Variants in PLEC observed in about 807,000 individuals in gnomAD.
PLEC encodes plectin, also known as hemidesmosomal protein 1.
PLEC carries 216 observed loss-of-function variants against 392.8 expected under a neutral mutation model. The ratio of observed to expected loss-of-function variants is 0.55; its 90% CI spans 0.49 to 0.62. The LOEUF (loss-of-function observed/expected upper bound fraction) is 0.62. Ranked by LOEUF, PLEC falls within the 20% of genes least tolerant of loss-of-function variation. PLEC has a pLI of 0.00. For missense variants in PLEC, 6,863 were observed against 6,563.4 expected (o/e 1.05, Z -1.58); for synonymous variants, 3,621 against 2,980.6 (o/e 1.21, Z -7.00).
Position 143,922,468 on chromosome 8 carries a change from G to C in PLEC, c.7425+36C>G, listed in dbSNP as rs782627378. 14 of 1,602,288 alleles carry C rather than the reference G, an allele frequency of 8.7e-6. No individual in the cohort carries two copies. The South Asian group carries it at 8.8e-5, about 10-fold the overall frequency. Reference sequence around the variant, plus strand: ...CATCACCCACCAAAGCAGATCCCCGGGCCCACCCGCCCGTCGCACGTAGAG... The same window carrying C: ...CATCACCCACCAAAGCAGATCCCCGCGCCCACCCGCCCGTCGCACGTAGAG... On this transcript the variant is annotated intron_variant, in intron 31 of 31. Transcript: ENST00000345136.
rs1554687064 is a variant in PLEC at position 143,921,773 on chromosome 8, G to A, written c.8048C>T (p.Ala2683Val). The change falls in exon 32 of 32, where the codon GCA becomes GTA. Residue 2683 changes from alanine to valine, a missense_variant. Physicochemically the swap from Ala to Val is moderately conservative, Grantham distance 64. Transcript: ENST00000345136. ...GTAGTGGCGCACGTCTTCCCGCCGT[G>A]CGAGCTCGTCCACCGTGGTGTGGCC... ...AQGHTTVDELARREDVRHYLQ... is the reference protein window; with the variant it reads ...AQGHTTVDELVRREDVRHYLQ... The A allele has an allele frequency of 1.2e-6, 2 of 1,611,768 alleles. No individual in the cohort carries two copies. The highest frequency in any genetic ancestry group is 1.1e-5 in the South Asian group (1 of 91,074).
intron 1 of PLEC, among the ~76,000 whole-genome samples, chr8:143,939,083 C>T (rs1185747025): frequency 3.3e-5 from 5 of 152,178 alleles, no homozygotes; most frequent in African/African-American, 9.7e-5. Context: ...AGGGAAGCCG[C>T]GTGTGCTGCT....
upstream of PLEC, among the ~76,000 whole-genome samples, chr8:143,957,973 C>T (rs1832684357): frequency 6.6e-6 from 1 of 152,198 alleles, no homozygotes; most frequent in South Asian, 2.1e-4. Flanking sequence ...GACAATAGCC[C>T]CAGGGAGACC....
At chr8:143,941,758 C>A (rs1184930504), upstream of PLEC, among the ~76,000 whole-genome samples, 1 of 151,494 alleles carries the variant, frequency 6.6e-6, no homozygotes, top group Admixed American at 6.6e-5. Context: ...TACACCCACC[C>A]TCTACAGCTG....
At position 143,918,704 on chromosome 8, in the gene PLEC, A is replaced by G; in HGVS notation, c.11117T>C (p.Ile3706Thr). 1.2e-6 allele frequency: 2 copies of G among 1,612,908 alleles called. No individual in the cohort carries two copies. Among genetic ancestry groups the G allele is most frequent in the Non-Finnish European group, 1.7e-6 (2 of 1,179,962 alleles). ...CAGCCCTTTCTTGAGAGCCTGGTAG[A>G]TGCTCAGTGTCTGCCTGGAACCGGG... ...YLPGSRQTLS[I>T]YQALKKGLLS... Residue 3706 changes from isoleucine (I) to threonine (T), a missense_variant, in exon 32 of 32, where the codon ATC becomes ACC. By Grantham distance (89) the Ile-to-Thr change is moderately conservative (BLOSUM62 -1). Coordinates refer to ENST00000345136, the MANE Select transcript of PLEC (RefSeq NM_201384.3).
Position 143,916,892 on chromosome 8 carries a change from C to T in PLEC, c.12929G>A (p.Arg4310Gln), listed in dbSNP as rs1185762348. The change falls in exon 32 of 32, where the codon CGG (arginine) becomes CAG (glutamine). Residue 4310 changes from arginine to glutamine, a missense_variant. Arg to Gln is a conservative substitution (Grantham distance 43, BLOSUM62 1). Transcript: ENST00000345136. ...RNLVDNITGQ[R>Q]LLEAQACTGG... is the part of the protein sequence containing the mutation. ...GGTGCAGGCCTGCGCCTCCAGCAGCCGCTGCCCCGTGATGTTATCCACCAG... is the reference window on the plus strand; with the variant it reads ...GGTGCAGGCCTGCGCCTCCAGCAGCTGCTGCCCCGTGATGTTATCCACCAG... The T allele has an allele frequency of 6.8e-6, 11 of 1,612,544 alleles. No homozygotes were observed. Among genetic ancestry groups the T allele is most frequent in the African/African-American group, 4.0e-5 (3 of 74,918 alleles).
chr8:143,954,673 G>A (rs1161236483), upstream of PLEC, among the ~76,000 whole-genome samples: 1 of 152,222 alleles, frequency 6.6e-6, no homozygotes, highest in Non-Finnish European at 1.5e-5. The surrounding 1 kb of genome is among the most constrained non-coding windows in gnomAD (Gnocchi z 4.6). Context: ...GCCTGGGGGA[G>A]CAGGTAGCAC....
In PLEC at chr8:143,932,531, C is replaced by G. The variant is rs374446764; in HGVS notation, c.1846G>C (p.Glu616Gln). ...GCTGCCACAAAGCTGTGCAAGCTCT[C>G]CAGGGACCTGAGGCGGGCCTTGGAG... ...NSSKARLRSL[E>Q]SLHSFVAAAT... is the part of the protein sequence containing the mutation. The change falls in exon 16 of 32, where the codon GAG becomes CAG. Residue 616 changes from glutamate (E) to glutamine (Q), a missense_variant. Glu to Gln is a conservative substitution (Grantham distance 29). Coordinates refer to ENST00000345136, the MANE Select transcript of PLEC (RefSeq NM_201384.3). The G allele has an allele frequency of 1.3e-5, 21 of 1,612,540 alleles. No homozygotes were observed. The highest frequency in any genetic ancestry group is 3.3e-4 in the Middle Eastern group (2 of 6,084).
rs782507332 is a variant in PLEC at position 143,925,103 on chromosome 8, T to G, written c.4826A>C (p.Glu1609Ala). 1 of 1,552,434 alleles carries G rather than the reference T, an allele frequency of 6.4e-7. No homozygotes were observed. Among genetic ancestry groups the G allele is most frequent in the Admixed American group, 1.9e-5 (1 of 53,496 alleles). The change falls in exon 31 of 32, where the codon GAG becomes GCG. Residue 1609 changes from glutamate (E) to alanine (A), a missense_variant. Coordinates refer to ENST00000345136, the MANE Select transcript of PLEC (RefSeq NM_201384.3). ...CTGCTGCTGTGCCCGCCGCTCAGCCTCCTCCCGCAGCTGTGCCACAGCCAC... is the reference window on the plus strand; with the variant it reads ...CTGCTGCTGTGCCCGCCGCTCAGCCGCCTCCCGCAGCTGTGCCACAGCCAC... Reference protein sequence around the residue: ...EHVAVAQLREEAERRAQQQAE... With the variant: ...EHVAVAQLREAAERRAQQQAE...
chr8:143,965,999 AC>A (rs1220187512), intron 1 of PLEC, among the ~76,000 whole-genome samples: 9 of 151,830 alleles, frequency 5.9e-5, no homozygotes, highest in African/African-American at 1.7e-4. Flanking sequence ...CCTCCCTGCC[AC>A]CCTGCTGGAC....
Position 143,921,309 on chromosome 8 carries a change from C to T in PLEC, c.8512G>A (p.Glu2838Lys), listed in dbSNP as rs201166060. 461 of 1,613,994 alleles carry T rather than the reference C, an allele frequency of 2.9e-4. 4 individuals are homozygous for T. The South Asian group carries it at 3.2e-3, about 11-fold the overall frequency. Residue 2838 changes from glutamate to lysine, a missense_variant, in exon 32 of 32, where the codon GAG becomes AAG. By Grantham distance (56) the Glu-to-Lys change is moderately conservative. Coordinates refer to ENST00000345136, the MANE Select transcript of PLEC (RefSeq NM_201384.3). ...VAYRRGYFDEEMNRVLADPSD... is the reference protein window; with the variant it reads ...VAYRRGYFDEKMNRVLADPSD... Reference sequence around the variant, plus strand: ...GGGTCCGCCAGGACGCGGTTCATCTCCTCGTCGAAGTAGCCGCGCCGGTAG... The same window carrying T: ...GGGTCCGCCAGGACGCGGTTCATCTTCTCGTCGAAGTAGCCGCGCCGGTAG...
At chr8:143,934,277 ACCCTCGGGTGGTT>A in intron 11 of PLEC, 28 bp downstream of exon 11, 1 of 1,609,172 alleles carries the variant, frequency 6.2e-7, no homozygotes, top group Non-Finnish European at 8.5e-7. Context: ...GCAGTGACAC[ACCCTCGGGTGGTT>A]CCCCTGCCAC....
At position 143,917,345 on chromosome 8, in the gene PLEC, C is replaced by T. The variant is rs200506691; in HGVS notation, c.12476G>A (p.Arg4159His). The T allele has an allele frequency of 6.3e-5, 101 of 1,609,890 alleles. No homozygotes were observed. Among genetic ancestry groups the T allele is most frequent in the Middle Eastern group, 1.6e-4 (1 of 6,062 alleles). The change falls in exon 32 of 32, where the codon CGC (arginine) becomes CAC (histidine). Residue 4159 changes from arginine to histidine, a missense_variant. Transcript: ENST00000345136. ...CGTCTGGTGGTCAATCAGGCCCTTG[C>T]GGTAGGCCTCGTACACTGACATCTC... is the stretch of plus-strand genomic sequence containing the variant. Reference protein sequence around the residue: ...GKEMSVYEAYRKGLIDHQTYL... With the variant: ...GKEMSVYEAYHKGLIDHQTYL...
At position 143,918,895 on chromosome 8, in the gene PLEC, G is replaced by A. The variant is rs142290671; in HGVS notation, c.10926C>T (p.Tyr3642=). The A allele has an allele frequency of 4.0e-5, 64 of 1,611,952 alleles. 1 individual carries two copies. The East Asian group carries it at 1.0e-3, about 25-fold the overall frequency. The change falls in exon 32 of 32, where the codon TAC becomes TAT. Residue 3642 remains tyrosine, a synonymous_variant. Coordinates refer to ENST00000345136, the MANE Select transcript of PLEC (RefSeq NM_201384.3). ...CCTCAGCCGTGAGGCGGCGGCGCACGTAGTCGTAGGAGGCCAGACCCTGCT... is the reference window on the plus strand; with the variant it reads ...CCTCAGCCGTGAGGCGGCGGCGCACATAGTCGTAGGAGGCCAGACCCTGCT... ...IRQQGLASYD[Y]VRRRLTAEDL...
chr8:143,945,324 G>A (rs573202258), intron 1 of PLEC: 7 of 389,570 alleles, frequency 1.8e-5, no homozygotes, highest in East Asian at 1.8e-4. Context: ...CCTGGGCCAC[G>A]GCAGGAGACT....
intron 30 of PLEC, 58 bp downstream of exon 30, chr8:143,926,726 G>A: frequency 2.2e-6 from 3 of 1,386,146 alleles, no homozygotes; most frequent in South Asian, 1.2e-5. Flanking sequence ...GCTGTGTGTG[G>A]GACACAACAG....
exon 1 of PLEC, chr8:143,950,539 C>T (rs1554735643): frequency 1.2e-6 from 2 of 1,607,968 alleles, no homozygotes; most frequent in Non-Finnish European, 1.7e-6. Context: ...GGCCCCGTGC[C>T]CGCAGGGACG....
intron 1 of PLEC, among the ~76,000 whole-genome samples, chr8:143,962,633 G>C (rs890162842): frequency 6.6e-6 from 1 of 152,242 alleles, no homozygotes; most frequent in East Asian, 1.9e-4. Context: ...GGTATTAAAG[G>C]TGCTTGTGGT....
At chr8:143,962,383 G>T in intron 1 of PLEC, among the ~76,000 whole-genome samples, 1 of 152,236 alleles carries the variant, frequency 6.6e-6, no homozygotes, top group East Asian at 1.9e-4. Flanking sequence ...TTAACTTCTG[G>T]CCTCCGGAAC....
Sources: gnomAD v4.1 joint callset for allele counts (sites outside exome capture counted in the v4.1 genomes callset) on GRCh38, gnomAD v4.1.1 for gene constraint, Gnocchi (gnomAD v3.1) non-coding constraint, MANE v1.5 for transcripts, NCBI Gene and HGNC (gene_info 2026-07-23, HGNC 2026-07-21) for gene names.